Variants in UBR3 observed in about 807,000 individuals in gnomAD.
The protein encoded by UBR3 is ubiquitin protein ligase E3 component n-recognin 3, also known as E3 ubiquitin-protein ligase UBR3.
A neutral mutation model predicts 243.2 loss-of-function variants in UBR3; 85 were observed. That is an observed-to-expected ratio of 0.35 (90% CI 0.29 to 0.42). The LOEUF (loss-of-function observed/expected upper bound fraction) is 0.42, where lower values mean the gene tolerates loss of function less well. Ranked by LOEUF, UBR3 falls within the 10% of genes least tolerant of loss-of-function variation. UBR3 has a pLI of 1.00. For missense variants in UBR3, 1,686 were observed against 2,300.8 expected, an observed-to-expected ratio of 0.73 and a Z score of 5.47; for synonymous variants, 748 against 799.8, an observed-to-expected ratio of 0.94 and a Z score of 1.09.
chr2:170,068,416 C>T (rs1271742317), intron 35 of UBR3, among the ~76,000 whole-genome samples: 2 of 151,804 alleles, frequency 1.3e-5, no homozygotes, highest in Non-Finnish European at 2.9e-5. Flanking sequence ...TGCAGTGAGC[C>T]GAGATTGTGC....
intron 1 of UBR3, among the ~76,000 whole-genome samples, chr2:169,861,712 T>C (rs1452600522): frequency 6.6e-6 from 1 of 152,156 alleles, no homozygotes; most frequent in Non-Finnish European, 1.5e-5. Context: ...TGTTTATTAA[T>C]CTTTTATGTT....
chr2:169,879,933 A>C (rs2083759250), intron 5 of UBR3, among the ~76,000 whole-genome samples: 1 of 152,190 alleles, frequency 6.6e-6, no homozygotes, highest in Non-Finnish European at 1.5e-5. Flanking sequence ...AAACTGTAAT[A>C]ATTCCATTTT....
chr2:169,886,887 T>C (rs73972643), intron 5 of UBR3, among the ~76,000 whole-genome samples: 5,296 of 152,306 alleles, frequency 0.035, 290 homozygotes, highest in African/African-American at 0.12. Flanking sequence ...CTTATTGTTA[T>C]AGTCTTAAGA....
chr2:169,884,605 T>C (rs1483324318), intron 5 of UBR3, among the ~76,000 whole-genome samples: 2 of 152,242 alleles, frequency 1.3e-5, no homozygotes, highest in Non-Finnish European at 2.9e-5. Context: ...TGGGGTTGTG[T>C]ATCCTGTTTT....
Position 170,083,095 on chromosome 2 carries a change from A to G in UBR3, c.*1252A>G, listed in dbSNP as rs1439940648. On this transcript the variant is annotated 3_prime_UTR_variant, in exon 39 of 39. Coordinates refer to ENST00000272793, the MANE Select transcript of UBR3 (RefSeq NM_172070.4). Reference sequence around the variant, plus strand: ...ATTTAATATATAGTGCTATCAAGCAATCCCTGGTACTTTGGACTTCCATGG... The same window carrying G: ...ATTTAATATATAGTGCTATCAAGCAGTCCCTGGTACTTTGGACTTCCATGG... The G allele has an allele frequency of 6.6e-6, 1 of 152,628 alleles. No homozygotes were observed. The highest frequency in any genetic ancestry group is 1.5e-5 in the Non-Finnish European group (1 of 68,018). The allele number at this position is 152,628 out of a possible 1,614,324, so 9.5% of individuals were successfully genotyped here. A position where few individuals can be genotyped will look rare whatever the true frequency, so the allele number is the denominator to read the frequency against.
intron 1 of UBR3, among the ~76,000 whole-genome samples, chr2:169,834,013 C>T (rs1437526888): frequency 6.6e-6 from 1 of 152,162 alleles, no homozygotes; most frequent in Non-Finnish European, 1.5e-5. Context: ...GTCTTGAACT[C>T]CTGGCTTCAA....
At chr2:169,890,553 A>ATATGTGTGTGTGTG (rs2084308824) in intron 5 of UBR3, among the ~76,000 whole-genome samples, 1 of 96,418 alleles carries the variant, frequency 1.0e-5, no homozygotes, top group Non-Finnish European at 1.9e-5. Context: ...ATATATATAT[A>ATATGTGTGTGTGTG]TATATATATA....
In UBR3 at chr2:169,986,625, A is replaced by T; in HGVS notation, c.3635-20A>T. On this transcript the variant is annotated intron_variant, in intron 24 of 38. Transcript: ENST00000272793. ...ATTTTCCTCCTAAGGAATTAAAGAGATGTAACTTTTTTCCCTCAGATTCTC... is the reference window on the plus strand; with the variant it reads ...ATTTTCCTCCTAAGGAATTAAAGAGTTGTAACTTTTTTCCCTCAGATTCTC... 3.8e-6 allele frequency: 6 copies of T among 1,596,968 alleles called. No homozygotes were observed. Among genetic ancestry groups the T allele is most frequent in the Non-Finnish European group, 5.1e-6 (6 of 1,172,556 alleles).
intron 33 of UBR3, 109 bp downstream of exon 33, chr2:170,055,693 T>C (rs2091317214): frequency 1.4e-6 from 2 of 1,387,630 alleles, no homozygotes; most frequent in Non-Finnish European, 1.9e-6. Flanking sequence ...GGTATTTTAA[T>C]TGTAAATTGA....
chr2:170,041,133 A>AG (rs1179342223), intron 32 of UBR3, 148 bp downstream of exon 32: 1 of 655,000 alleles, frequency 1.5e-6, no homozygotes, highest in East Asian at 2.8e-5. Flanking sequence ...GCTTGAGCAC[A>AG]GGAGCTCGAG....
chr2:169,836,067 A>ATTTTTTTTTTT (rs60845808), intron 1 of UBR3, among the ~76,000 whole-genome samples: 1 of 32,666 alleles, frequency 3.1e-5, no homozygotes. Context: ...ATATATATAT[A>ATTTTTTTTTTT]TTTTTTTTTT....
intron 24 of UBR3, among the ~76,000 whole-genome samples, chr2:169,971,188 T>G (rs1324223611): frequency 6.6e-6 from 1 of 150,902 alleles, no homozygotes; most frequent in Non-Finnish European, 1.5e-5. Context: ...TTTTTTCTTG[T>G]GAATTTGTTT....
intron 10 of UBR3, among the ~76,000 whole-genome samples, chr2:169,913,270 T>C (rs961197256): frequency 3.9e-5 from 6 of 152,210 alleles, no homozygotes; most frequent in African/African-American, 1.4e-4. Flanking sequence ...TTGAGCATCT[T>C]TGTATGTGCT....
chr2:170,018,383 T>G (rs892876460), intron 30 of UBR3, among the ~76,000 whole-genome samples: 5 of 152,302 alleles, frequency 3.3e-5, no homozygotes, highest in East Asian at 1.9e-4. Flanking sequence ...CTATGAGCCA[T>G]GTGCGTTAGT....
chr2:170,004,364 T>C (rs12692936), intron 27 of UBR3, among the ~76,000 whole-genome samples: 149,315 of 152,288 alleles, frequency 0.98, 73,250 homozygotes, highest in East Asian at 1. Context: ...AGACACTAGA[T>C]ACATTAGGTC....
chr2:169,903,707 T>C (rs1222409922), intron 8 of UBR3, among the ~76,000 whole-genome samples: 1 of 152,132 alleles, frequency 6.6e-6, no homozygotes, highest in Non-Finnish European at 1.5e-5. Context: ...TTGAATAAGT[T>C]GGTTAAAGTG....
chr2:169,874,103 A>G (rs573630356), intron 2 of UBR3, among the ~76,000 whole-genome samples: 2 of 152,298 alleles, frequency 1.3e-5, no homozygotes, highest in South Asian at 4.1e-4. Context: ...ATGTAGGTTC[A>G]TGGAAGTTTC....
rs1357595136 is a variant in UBR3 at position 169,972,772 on chromosome 2, A to G, written c.3635-13873A>G. On this transcript the variant is annotated intron_variant, in intron 24 of 38. Transcript: ENST00000272793. Reference sequence around the variant, plus strand: ...TATTGATGGGACGTATCTCAAAATAATAAGAAATATCTATGACAAACCCAC... The same window carrying G: ...TATTGATGGGACGTATCTCAAAATAGTAAGAAATATCTATGACAAACCCAC... Among the ~76,000 whole-genome samples the G allele has an allele frequency of 4.0e-5, 6 of 151,884 alleles. No homozygotes were observed. The South Asian group carries it at 1.0e-3, about 26-fold the overall frequency.
intron 33 of UBR3, among the ~76,000 whole-genome samples, chr2:170,059,126 T>A (rs2091404579): frequency 6.6e-6 from 1 of 152,200 alleles, no homozygotes; most frequent in South Asian, 2.1e-4. Flanking sequence ...ATTCAAAGAT[T>A]GCCTATATAA....
Sources: gnomAD v4.1 joint callset for allele counts (sites outside exome capture counted in the v4.1 genomes callset) on GRCh38, gnomAD v4.1.1 for gene constraint, MANE v1.5 for transcripts, NCBI Gene and HGNC (gene_info 2026-07-23, HGNC 2026-07-21) for gene names.